Variants in RSRC2 observed in about 807,000 individuals in gnomAD.
RSRC2 encodes arginine and serine rich coiled-coil 2, also known as arginine/serine-rich coiled-coil protein 2.
Under a neutral mutation model 61.3 loss-of-function variants are expected in RSRC2, and 5 were observed. That is an observed-to-expected ratio of 0.08 (90% CI 0.04 to 0.17). The LOEUF (loss-of-function observed/expected upper bound fraction) is 0.17. Among genes scored for constraint, RSRC2 ranks in the 10% least tolerant of loss-of-function variants. RSRC2 has a pLI of 1.00. For synonymous variants in RSRC2, 202 were observed against 166.5 expected, an observed-to-expected ratio of 1.21 and a Z score of -1.64; for missense variants, 381 against 518.8, an observed-to-expected ratio of 0.73 and a Z score of 2.58.
chr12:122,508,767 A>G (rs926949441), intron 7 of RSRC2, among the ~76,000 whole-genome samples: 1 of 151,408 alleles, frequency 6.6e-6, no homozygotes, highest in Non-Finnish European at 1.5e-5. Context: ...GACCAGCCTG[A>G]CCAACATGGA....
chr12:122,514,236 C>G (rs2137476903), intron 6 of RSRC2, among the ~76,000 whole-genome samples: 1 of 149,820 alleles, frequency 6.7e-6, no homozygotes, highest in Non-Finnish European at 1.5e-5. Context: ...TTTGAAACAG[C>G]AGAAAATTTA....
At chr12:122,525,551 C>T (rs1403820458) in intron 1 of RSRC2, among the ~76,000 whole-genome samples, 1 of 152,092 alleles carries the variant, frequency 6.6e-6, no homozygotes, top group Non-Finnish European at 1.5e-5. Flanking sequence ...CCCAGGCATT[C>T]CAATCGTTAG....
chr12:122,525,512 T>TG (rs142609068), intron 1 of RSRC2, among the ~76,000 whole-genome samples: 3,005 of 152,086 alleles, frequency 0.02, 80 homozygotes, highest in African/African-American at 0.066. Context: ...TAGAGGGGTA[T>TG]GGGGGAAAAA....
intron 6 of RSRC2, among the ~76,000 whole-genome samples, chr12:122,513,250 AAAAT>A (rs1958666853): frequency 1.4e-5 from 2 of 142,604 alleles, no homozygotes; most frequent in East Asian, 2.0e-4. Context: ...TAAATAAAAT[AAAAT>A]AAAAATAAAA....
chr12:122,513,340 A>G (rs1958675105), intron 6 of RSRC2, among the ~76,000 whole-genome samples: 1 of 151,800 alleles, frequency 6.6e-6, no homozygotes, highest in Non-Finnish European at 1.5e-5. Context: ...GCCAAAAAAG[A>G]AACCAATATA....
intron 1 of RSRC2, among the ~76,000 whole-genome samples, 190 bp downstream of exon 1, chr12:122,526,658 C>T (rs568971149): frequency 9.9e-5 from 15 of 151,904 alleles, no homozygotes; most frequent in Non-Finnish European, 2.1e-4. Context: ...CCTGCGGCTC[C>T]CCACCCCCAC....
intron 3 of RSRC2, chr12:122,520,648 T>G: frequency 8.8e-7 from 1 of 1,132,946 alleles, no homozygotes; most frequent in Non-Finnish European, 1.2e-6. Context: ...TCACAAAAAC[T>G]CTCCTAAATT....
chr12:122,513,675 G>A (rs754671302), intron 6 of RSRC2: 9 of 366,998 alleles, frequency 2.5e-5, no homozygotes, highest in East Asian at 1.6e-4. Context: ...AAGAAGATAC[G>A]TGTGACTACA....
At chr12:122,520,655 A>C (rs1184077597) in intron 3 of RSRC2, 1 of 1,082,338 alleles carries the variant, frequency 9.2e-7, no homozygotes, top group African/African-American at 1.6e-5. Flanking sequence ...AACTCTCCTA[A>C]ATTAAAAATT....
intron 1 of RSRC2, among the ~76,000 whole-genome samples, chr12:122,524,981 A>T (rs1164822004): frequency 6.6e-6 from 1 of 152,190 alleles, no homozygotes; most frequent in African/African-American, 2.4e-5. Context: ...ACTGCGAAGG[A>T]GGTAAGCACT....
chr12:122,519,137 G>T, intron 3 of RSRC2, 108 bp from the exon 4 acceptor site: 1 of 796,270 alleles, frequency 1.3e-6, no homozygotes, highest in Non-Finnish European at 2.0e-6. Context: ...AACCTTAGGA[G>T]TGTGTGGCAA....
chr12:122,517,667 T>C (rs1959041204), intron 4 of RSRC2, among the ~76,000 whole-genome samples: 1 of 152,154 alleles, frequency 6.6e-6, no homozygotes, highest in African/African-American at 2.4e-5. Context: ...AAGCGTTCAA[T>C]GCATCCTACC....
chr12:122,515,656 T>C (rs116865078), intron 5 of RSRC2, among the ~76,000 whole-genome samples: 2 of 152,306 alleles, frequency 1.3e-5, no homozygotes, highest in East Asian at 3.9e-4. Flanking sequence ...TACAGTGAAT[T>C]TGTAGATGTT....
intron 4 of RSRC2, among the ~76,000 whole-genome samples, chr12:122,518,095 G>A (rs558857890): frequency 1.8e-4 from 28 of 152,066 alleles, no homozygotes; most frequent in Non-Finnish European, 3.7e-4. Flanking sequence ...CCAGGGATTC[G>A]TGAATAGCCT....
In RSRC2 at chr12:122,503,496, G is replaced by A. The variant is rs1345855731; in HGVS notation, c.*2031C>T. On this transcript the variant is annotated 3_prime_UTR_variant, in exon 10 of 10. Coordinates refer to ENST00000331738, the MANE Select transcript of RSRC2 (RefSeq NM_023012.6). ...TTTATTGGACAGTGCTGCTCTAGAT[G>A]AGCAAAGTACAGGCTGTATCACTCA... The A allele has an allele frequency of 6.6e-6, 1 of 152,212 alleles. No homozygotes were observed. The highest frequency in any genetic ancestry group is 1.5e-5 in the Non-Finnish European group (1 of 68,038). 9.4% of individuals were successfully genotyped at this position (152,212 alleles called of 1,614,324 possible).
At chr12:122,522,357 T>G in intron 1 of RSRC2, 58 bp from the exon 2 acceptor site, 2 of 1,463,010 alleles carry the variant, frequency 1.4e-6, no homozygotes, top group Non-Finnish European at 1.8e-6. Flanking sequence ...TGTTTTCAAT[T>G]TCTTAAAAGA....
intron 3 of RSRC2, 26 bp from the exon 4 acceptor site, chr12:122,519,055 TC>T (rs1245821887): frequency 6.2e-7 from 1 of 1,603,942 alleles, no homozygotes; most frequent in South Asian, 1.1e-5. Context: ...GTTGGTTCTT[TC>T]AGGAAAATAG....
At chr12:122,524,589 G>A (rs1959777866) in intron 1 of RSRC2, among the ~76,000 whole-genome samples, 1 of 152,100 alleles carries the variant, frequency 6.6e-6, no homozygotes, top group African/African-American at 2.4e-5. Context: ...CTGTGACATA[G>A]GCTAACTTAA....
chr12:122,514,833 C>A, intron 6 of RSRC2: 8 of 716,786 alleles, frequency 1.1e-5, no homozygotes, highest in South Asian at 2.4e-5. Flanking sequence ...GTTTCAAATG[C>A]AAACTGAAAA....
Sources: allele counts gnomAD v4.1 joint callset (sites outside exome capture counted in the v4.1 genomes callset), GRCh38; gene constraint gnomAD v4.1.1; transcripts MANE v1.5; gene names NCBI Gene and HGNC (gene_info 2026-07-23, HGNC 2026-07-21).